FGD6: variants seen among roughly 807,000 people sequenced by gnomAD.
FGD6 encodes FYVE, RhoGEF and PH domain containing 6, also known as FYVE, RhoGEF and PH domain-containing protein 6.
In FGD6, 90 loss-of-function variants were observed where a neutral mutation model predicts 149.4. That is an observed-to-expected ratio of 0.60 (90% confidence interval 0.51 to 0.72). The LOEUF (loss-of-function observed/expected upper bound fraction) is 0.72. Ranked by LOEUF, FGD6 falls within the 30% of genes least tolerant of loss-of-function variation. The probability of loss-of-function intolerance (pLI) is 0.00; values close to 1 mark genes in which losing one functional copy is unlikely to be tolerated. For synonymous variants in FGD6, 527 were observed against 584.0 expected (o/e 0.90, Z 1.41); for missense variants, 1,437 against 1,684.8 (o/e 0.85, Z 2.57).
At chr12:95,180,999 A>G (rs1881267453) in intron 2 of FGD6, among the ~76,000 whole-genome samples, 2 of 152,168 alleles carry the variant, frequency 1.3e-5, no homozygotes, top group Admixed American at 6.6e-5. Context: ...CGTTTCAAAA[A>G]AAAAAGAAAA....
chr12:95,093,612 G>C (rs1261058831), intron 15 of FGD6, among the ~76,000 whole-genome samples: 1 of 151,072 alleles, frequency 6.6e-6, no homozygotes, highest in East Asian at 2.0e-4. Flanking sequence ...GGAGGCGGAG[G>C]TTGTGGTGAG....
intron 5 of FGD6, among the ~76,000 whole-genome samples, chr12:95,147,224 G>A (rs949465813): frequency 6.6e-6 from 1 of 152,158 alleles, no homozygotes; most frequent in Non-Finnish European, 1.5e-5. Context: ...AAACTATGGA[G>A]TAAAAGTAGA....
rs1311047248 is a variant in FGD6 at position 95,211,156 on chromosome 12, T to C, written c.128A>G (p.Gln43Arg). Residue 43 changes from glutamine (Q) to arginine (R), a missense_variant, in exon 2 of 21, where the codon CAG (glutamine) becomes CGG (arginine). Around this residue, in one of 2 missense-constraint regions of FGD6, gnomAD observed 1,055 missense variants for 1,146.0 expected, o/e 0.92. Transcript: ENST00000343958. ...KPDIVISSVPQSTKKMKPAIA... is the reference protein window; with the variant it reads ...KPDIVISSVPRSTKKMKPAIA... ...TGCTGGTTTCATTTTCTTTGTCGAC[T>C]GTGGAACACTAGAAATCACAATGTC... The C allele has an allele frequency of 1.2e-6, 2 of 1,614,020 alleles. No individual in the cohort carries two copies.
chr12:95,150,238 G>T (rs1880268536), intron 5 of FGD6, among the ~76,000 whole-genome samples: 1 of 152,020 alleles, frequency 6.6e-6, no homozygotes, highest in Non-Finnish European at 1.5e-5. Flanking sequence ...ATGTTGGTCA[G>T]GCTGTCTCGA....
intron 13 of FGD6, among the ~76,000 whole-genome samples, chr12:95,105,773 C>T (rs1035260014): frequency 5.5e-4 from 83 of 152,180 alleles, no homozygotes; most frequent in African/African-American, 1.9e-3. Flanking sequence ...CCTGTAATCT[C>T]AGCACTTTGG....
chr12:95,153,842 C>T (rs1880379037), intron 3 of FGD6, among the ~76,000 whole-genome samples: 1 of 151,682 alleles, frequency 6.6e-6, no homozygotes, highest in Non-Finnish European at 1.5e-5. Flanking sequence ...TCCGAATTTC[C>T]TTAAAATCCC....
chr12:95,202,466 G>GT (rs2056668853), intron 2 of FGD6, among the ~76,000 whole-genome samples: 2 of 146,134 alleles, frequency 1.4e-5, no homozygotes, highest in Non-Finnish European at 3.1e-5. Flanking sequence ...TGAGACCAAA[G>GT]TAACACAGCT....
intron 3 of FGD6, among the ~76,000 whole-genome samples, chr12:95,166,005 G>A (rs1880803048): frequency 6.8e-6 from 1 of 147,086 alleles, no homozygotes; most frequent in Non-Finnish European, 1.5e-5. Flanking sequence ...CTGTTGCTCA[G>A]GCTGGAGTGC....
At chr12:95,088,335 C>T (rs1466545363) in intron 18 of FGD6, among the ~76,000 whole-genome samples, 6 of 152,034 alleles carry the variant, frequency 3.9e-5, no homozygotes, top group Non-Finnish European at 5.9e-5. Flanking sequence ...TACCATTATA[C>T]AACTCATCCA....
chr12:95,197,480 A>T (rs1036464367), intron 2 of FGD6, among the ~76,000 whole-genome samples: 1 of 152,040 alleles, frequency 6.6e-6, no homozygotes, highest in African/African-American at 2.4e-5. Flanking sequence ...AGGCTCCATA[A>T]AGTCTTCCTT....
intron 14 of FGD6, among the ~76,000 whole-genome samples, chr12:95,104,754 AT>A (rs1302944388): frequency 1.6e-4 from 25 of 152,004 alleles, no homozygotes; most frequent in African/African-American, 5.6e-4. Context: ...ACAAAAAAAT[AT>A]TTTTAAAGTT....
chr12:95,138,037 A>G (rs772231370), intron 6 of FGD6, among the ~76,000 whole-genome samples: 23 of 151,964 alleles, frequency 1.5e-4, no homozygotes, highest in Non-Finnish European at 2.5e-4. Context: ...CCTGACCAAC[A>G]TGGAGAAACC....
rs1459787917 is a variant in FGD6, at chr12:95,193,289, T to C, written c.2441+15554A>G. On this transcript the variant is annotated intron_variant, in intron 2 of 20. Transcript: ENST00000343958. ...AAATACTACTAATATTTAGCAATAC[T>C]TAGCATTAAAAAAGAAAAAGCTATT... Among the ~76,000 whole-genome samples the C allele has an allele frequency of 3.3e-5, 5 of 152,008 alleles. 1 individual carries two copies. The highest frequency in any genetic ancestry group is 1.3e-4 in the Admixed American group (2 of 15,258).
At position 95,215,049 on chromosome 12, in the gene FGD6, CAG is replaced by C. The variant is rs1464777576; in HGVS notation, c.16+2174_16+2175del. On this transcript the variant is annotated intron_variant, in intron 1 of 20. Coordinates refer to ENST00000343958, the MANE Select transcript of FGD6 (RefSeq NM_018351.4). ...CTAATTTTTGTATTTTTAGTAGAGA[CAG>C]GGTTTTGCCATGTTGGCCAGGCTGG... Among the ~76,000 whole-genome samples, 4 of 151,906 alleles carry C rather than the reference CAG, an allele frequency of 2.6e-5. No individual in the cohort carries two copies. The South Asian group carries it at 8.3e-4, about 31-fold the overall frequency.
intron 1 of FGD6, among the ~76,000 whole-genome samples, chr12:95,216,546 AAGAT>A (rs2056788046): frequency 2.0e-5 from 3 of 152,134 alleles, no homozygotes; most frequent in South Asian, 2.1e-4. Flanking sequence ...AATCCACACA[AAGAT>A]AGAGGCTTTG....
chr12:95,215,766 G>C (rs2056750560), intron 1 of FGD6, among the ~76,000 whole-genome samples: 1 of 152,206 alleles, frequency 6.6e-6, no homozygotes, highest in Admixed American at 6.5e-5. Flanking sequence ...ACATAAATGT[G>C]AAATTACATG....
At chr12:95,131,204 C>T (rs1011294331) in intron 8 of FGD6, among the ~76,000 whole-genome samples, 3 of 150,426 alleles carry the variant, frequency 2.0e-5, no homozygotes, top group Admixed American at 1.3e-4. Context: ...CTCTGCCTCT[C>T]GGGTTCAAAC....
At chr12:95,088,365 T>C (rs1334515855) in intron 18 of FGD6, among the ~76,000 whole-genome samples, 2 of 152,096 alleles carry the variant, frequency 1.3e-5, no homozygotes, top group Non-Finnish European at 2.9e-5. Context: ...AACCCACAGG[T>C]ACCCCAGAAG....
intron 9 of FGD6, among the ~76,000 whole-genome samples, chr12:95,112,077 T>C (rs1400860054): frequency 6.6e-6 from 1 of 151,030 alleles, no homozygotes; most frequent in East Asian, 2.0e-4. Flanking sequence ...CTACAAAAAA[T>C]ATAAAAATTA....
Sources: allele counts gnomAD v4.1 joint callset (sites outside exome capture counted in the v4.1 genomes callset), GRCh38; gene constraint gnomAD v4.1.1; regional missense constraint gnomAD v4.1.1; transcripts MANE v1.5; gene names NCBI Gene and HGNC (gene_info 2026-07-23, HGNC 2026-07-21).